Variants in ROR1 observed in about 807,000 individuals in gnomAD.
The protein encoded by ROR1 is ROR family WNT receptor 1.
In ROR1, 19 loss-of-function variants were observed where a neutral mutation model predicts 78.8. The observed-to-expected ratio is 0.24, with a 90% confidence interval of 0.17 to 0.35. ROR1 has a LOEUF of 0.35. ROR1 is among the 10% of genes least tolerant of loss of function. The pLI is 1.00. For missense variants in ROR1, 917 were observed against 1,177.8 expected (o/e 0.78, Z 3.24); for synonymous variants, 386 against 433.6 (o/e 0.89, Z 1.36).
chr1:63,804,598 T>A (rs980701907), intron 1 of ROR1, among the ~76,000 whole-genome samples: 3 of 152,202 alleles, frequency 2.0e-5, no homozygotes, highest in African/African-American at 7.2e-5. Flanking sequence ...AGGGACCCTT[T>A]TAATTTTATT....
At chr1:64,007,265 A>T (rs72912898) in intron 1 of ROR1, among the ~76,000 whole-genome samples, 4,522 of 152,244 alleles carry the variant, frequency 0.03, 249 homozygotes, top group African/African-American at 0.1. Flanking sequence ...TTGATTAAAG[A>T]TGCCTACACT....
intron 2 of ROR1, among the ~76,000 whole-genome samples, chr1:64,026,032 G>A (rs1198893775): frequency 2.0e-5 from 3 of 152,098 alleles, no homozygotes; most frequent in East Asian, 1.9e-4. Flanking sequence ...TTTAAGTGGC[G>A]TTTCCTTCTA....
At chr1:63,946,571 A>G (rs1055583075) in intron 1 of ROR1, among the ~76,000 whole-genome samples, 2 of 152,222 alleles carry the variant, frequency 1.3e-5, no homozygotes, top group African/African-American at 4.8e-5. Flanking sequence ...TGTTTTTGTC[A>G]TGTAATTTTT....
intron 2 of ROR1, among the ~76,000 whole-genome samples, chr1:64,032,036 C>T (rs1238364366): frequency 6.6e-6 from 1 of 152,110 alleles, no homozygotes; most frequent in African/African-American, 2.4e-5. Flanking sequence ...TCTTCCTCCT[C>T]TTCCATTTTC....
intron 1 of ROR1, among the ~76,000 whole-genome samples, chr1:63,816,082 A>G (rs1276778252): frequency 6.6e-6 from 1 of 152,134 alleles, no homozygotes; most frequent in East Asian, 1.9e-4. Flanking sequence ...ACAGCAACCA[A>G]ACATTTGCTG....
At chr1:63,978,470 G>A (rs574681555) in intron 1 of ROR1, among the ~76,000 whole-genome samples, 3 of 152,190 alleles carry the variant, frequency 2.0e-5, no homozygotes, top group Middle Eastern at 3.2e-3. Flanking sequence ...TGAAAATTCA[G>A]TATGGGCTGG....
At chr1:64,014,721 A>ATATG (rs1553151575) in intron 2 of ROR1, among the ~76,000 whole-genome samples, 1 of 55,330 alleles carries the variant, frequency 1.8e-5, no homozygotes, top group Non-Finnish European at 3.5e-5. Flanking sequence ...GACTATATAT[A>ATATG]TATATACACA....
intron 8 of ROR1, among the ~76,000 whole-genome samples, chr1:64,175,083 A>G (rs1650342687): frequency 6.6e-6 from 1 of 151,612 alleles, no homozygotes; most frequent in South Asian, 2.1e-4. Context: ...TTAATTTAAT[A>G]TATTCACCTG....
intron 1 of ROR1, among the ~76,000 whole-genome samples, chr1:63,791,939 A>T (rs981841796): frequency 6.6e-6 from 1 of 152,184 alleles, no homozygotes; most frequent in Non-Finnish European, 1.5e-5. Flanking sequence ...CGTGGCAGGC[A>T]TCATTCTTGA....
intron 1 of ROR1, among the ~76,000 whole-genome samples, chr1:63,965,882 G>C (rs1646070816): frequency 6.6e-6 from 1 of 152,202 alleles, no homozygotes; most frequent in Non-Finnish European, 1.5e-5. Context: ...ATACCGCAAG[G>C]ACTGTGGAGT....
At chr1:64,167,449 C>T (rs1440833580) in intron 8 of ROR1, among the ~76,000 whole-genome samples, 1 of 152,172 alleles carries the variant, frequency 6.6e-6, no homozygotes, top group Non-Finnish European at 1.5e-5. Flanking sequence ...GTTGAAACTC[C>T]CTCTAGAACT....
chr1:63,989,568 G>A (rs979613906), intron 1 of ROR1, among the ~76,000 whole-genome samples: 1 of 152,082 alleles, frequency 6.6e-6, no homozygotes, highest in Non-Finnish European at 1.5e-5. Context: ...TCCTGACTCT[G>A]CTCTTTACAA....
chr1:64,101,541 G>A (rs1647544003), intron 4 of ROR1, among the ~76,000 whole-genome samples: 1 of 152,150 alleles, frequency 6.6e-6, no homozygotes, highest in Admixed American at 6.6e-5. Flanking sequence ...TATTTACTGA[G>A]CACCTACTGT....
chr1:64,138,128 T>C (rs1649179343), intron 5 of ROR1, among the ~76,000 whole-genome samples: 2 of 152,234 alleles, frequency 1.3e-5, no homozygotes, highest in Admixed American at 6.5e-5. Context: ...TAGCATAGGC[T>C]GCCTCATAGG....
At chr1:64,015,748 C>G (rs7545348) in intron 2 of ROR1, among the ~76,000 whole-genome samples, 4,881 of 152,156 alleles carry the variant, frequency 0.032, 281 homozygotes, top group African/African-American at 0.11. Flanking sequence ...AGAGCTTATC[C>G]ATCCTTGTGT....
intron 1 of ROR1, among the ~76,000 whole-genome samples, chr1:63,969,689 C>T (rs562753650): frequency 1.3e-5 from 2 of 152,264 alleles, no homozygotes; most frequent in South Asian, 4.2e-4. Context: ...GTGTGATGAA[C>T]CGTCCAGTTC....
intron 1 of ROR1, among the ~76,000 whole-genome samples, chr1:63,997,313 T>C (rs1175658216): frequency 6.6e-6 from 1 of 152,236 alleles, no homozygotes; most frequent in Non-Finnish European, 1.5e-5. Context: ...CACTGCTTTT[T>C]GCAGGAAAAT....
At chr1:63,780,229 A>C (rs1644642690) in intron 1 of ROR1, among the ~76,000 whole-genome samples, 1 of 151,190 alleles carries the variant, frequency 6.6e-6, no homozygotes, top group African/African-American at 2.4e-5. Context: ...TCCAAACTTT[A>C]TTTTTTTCAA....
At chr1:64,134,403 A>G (rs1014367180) in intron 4 of ROR1, among the ~76,000 whole-genome samples, 4 of 152,178 alleles carry the variant, frequency 2.6e-5, no homozygotes, top group African/African-American at 9.7e-5. Flanking sequence ...CCTCATCTTG[A>G]GTTTCAGTTT....
Sources: allele counts gnomAD v4.1 joint callset (sites outside exome capture counted in the v4.1 genomes callset), GRCh38; gene constraint gnomAD v4.1.1; transcripts MANE v1.5; gene names NCBI Gene and HGNC (gene_info 2026-07-23, HGNC 2026-07-21).